Variants in DYNC2H1 observed in about 807,000 individuals in gnomAD.
The protein encoded by DYNC2H1 is cytoplasmic dynein 2 heavy chain 1.
DYNC2H1 carries 410 observed loss-of-function variants against 570.0 expected under a neutral mutation model. The observed-to-expected ratio is 0.72, with a 90% CI of 0.66 to 0.78. The LOEUF (loss-of-function observed/expected upper bound fraction) is 0.78, where lower values mean the gene tolerates loss of function less well. Among genes scored for constraint, DYNC2H1 ranks in the 30% least tolerant of loss-of-function variants. The pLI, the probability that DYNC2H1 is intolerant of heterozygous loss-of-function variation, is 0.00. For missense variants in DYNC2H1, 4,865 were observed against 5,046.4 expected (o/e 0.96, Z 1.09); for synonymous variants, 1,688 against 1,677.6 (o/e 1.01, Z -0.15).
intron 84 of DYNC2H1, among the ~76,000 whole-genome samples, chr11:103,413,231 C>CTTATTTTTTGTT (rs1317166475): frequency 7.9e-5 from 12 of 152,130 alleles, no homozygotes; most frequent in Admixed American, 2.0e-4. Flanking sequence ...GACTGGGGAC[C>CTTATTTTTTGTT]TTATTTTTTG....
intron 87 of DYNC2H1, among the ~76,000 whole-genome samples, chr11:103,463,911 A>G: frequency 6.6e-6 from 1 of 152,206 alleles, no homozygotes; most frequent in East Asian, 1.9e-4. Flanking sequence ...CAGTATCCCA[A>G]CATTGCCAGA....
intron 84 of DYNC2H1, chr11:103,403,924 C>G (rs983915133): frequency 6.6e-6 from 1 of 151,832 alleles, no homozygotes; most frequent in South Asian, 2.1e-4. Flanking sequence ...TTATAGAATA[C>G]GTAGGGATGG....
chr11:103,310,458 G>A (rs1405846494), intron 78 of DYNC2H1, among the ~76,000 whole-genome samples: 1 of 151,850 alleles, frequency 6.6e-6, no homozygotes, highest in Non-Finnish European at 1.5e-5. Flanking sequence ...CTATGTAACT[G>A]TATAGGATTT....
rs753732651 is a variant in DYNC2H1 at position 103,456,339 on chromosome 11, G to A, written c.12631G>A (p.Ala4211Thr). The change falls in exon 87 of 89, where the codon GCA (alanine) becomes ACA (threonine). Residue 4211 changes from alanine to threonine, a missense_variant. Around this residue, in one of 5 missense-constraint regions of DYNC2H1, gnomAD observed 2,401 missense variants for 2,454.6 expected, o/e 0.98. Transcript: ENST00000375735. Reference protein sequence around the residue: ...VASWKGRLQEAKLQIKISGLL... With the variant: ...VASWKGRLQETKLQIKISGLL... ...CTCATGGAAAGGTCGACTGCAAGAA[G>A]CAAAGCTACAAATTAAGGTACTAGA... The A allele has an allele frequency of 1.2e-6, 2 of 1,602,746 alleles. No homozygotes were observed. Among genetic ancestry groups the A allele is most frequent in the Non-Finnish European group, 1.7e-6 (2 of 1,174,036 alleles).
At chr11:103,349,067 G>A (rs1057184935) in intron 82 of DYNC2H1, among the ~76,000 whole-genome samples, 8 of 152,018 alleles carry the variant, frequency 5.3e-5, no homozygotes, top group Non-Finnish European at 8.8e-5. Context: ...CCCAGTCTCG[G>A]GTATTTCTTT....
intron 87 of DYNC2H1, among the ~76,000 whole-genome samples, chr11:103,458,701 G>T (rs1944885039): frequency 6.6e-6 from 1 of 151,888 alleles, no homozygotes; most frequent in African/African-American, 2.4e-5. Flanking sequence ...ACAATAACAG[G>T]TAATCATTCA....
chr11:103,200,241 T>C, intron 50 of DYNC2H1, 87 bp downstream of exon 50: 1 of 1,062,456 alleles, frequency 9.4e-7, no homozygotes. Flanking sequence ...AATTTATTTG[T>C]TTTGGAGAAC....
At chr11:103,417,228 T>C (rs1197247294) in intron 84 of DYNC2H1, among the ~76,000 whole-genome samples, 2 of 152,052 alleles carry the variant, frequency 1.3e-5, no homozygotes, top group Non-Finnish European at 2.9e-5. Flanking sequence ...TACAGGCGCA[T>C]GCCACCACAC....
intron 23 of DYNC2H1, 29 bp from the exon 24 acceptor site, chr11:103,154,666 C>T (rs1860729398): frequency 1.3e-6 from 2 of 1,566,256 alleles, no homozygotes; most frequent in Admixed American, 3.9e-5. Flanking sequence ...TGGATGTAAT[C>T]TTTGCAATGT....
intron 13 of DYNC2H1, among the ~76,000 whole-genome samples, chr11:103,130,184 C>T (rs1859202102): frequency 6.6e-6 from 1 of 152,092 alleles, no homozygotes; most frequent in East Asian, 1.9e-4. Flanking sequence ...CGGGGATGGC[C>T]ACGTAGACAC....
chr11:103,273,805 G>A (rs867443786), intron 70 of DYNC2H1, among the ~76,000 whole-genome samples: 4 of 152,092 alleles, frequency 2.6e-5, no homozygotes, highest in South Asian at 2.1e-4. Flanking sequence ...GGAGTGCTGC[G>A]ATGTGATTGA....
Position 103,228,173 on chromosome 11 carries a change from C to T in DYNC2H1, c.9354-3087C>T, listed in dbSNP as rs575373732. Among the ~76,000 whole-genome samples the T allele has an allele frequency of 3.0e-4, 46 of 152,214 alleles. No individual in the cohort carries two copies. The highest frequency in any genetic ancestry group is 1.1e-3 in the African/African-American group (45 of 41,532). The stretch of plus-strand genomic sequence containing the variant: ...GTATCTTTTAAGTGGAGCATTTACG[C>T]CATTTACGTTCAGTGTTAGTATTGA... On this transcript the variant is annotated intron_variant, in intron 59 of 88. Coordinates refer to ENST00000375735, the MANE Select transcript of DYNC2H1 (RefSeq NM_001377.3). The surrounding 1 kb of genome is among the most constrained non-coding windows in gnomAD (Gnocchi z 6.1).
chr11:103,123,169 C>G (rs1858810057), intron 11 of DYNC2H1, among the ~76,000 whole-genome samples, 169 bp downstream of exon 11: 2 of 152,058 alleles, frequency 1.3e-5, no homozygotes, highest in South Asian at 4.1e-4. Context: ...AGGCTGGAAA[C>G]TTTGATGATT....
At chr11:103,262,671 A>G (rs537069794) in intron 70 of DYNC2H1, among the ~76,000 whole-genome samples, 213 of 152,288 alleles carry the variant, frequency 1.4e-3, no homozygotes, top group Middle Eastern at 0.01. Flanking sequence ...TGTCACTACC[A>G]GGCCTGCCTT....
rs993380198 is a variant in DYNC2H1 at position 103,369,384 on chromosome 11, C to G, written c.12156+11025C>G. On this transcript the variant is annotated intron_variant, in intron 83 of 88. Coordinates refer to ENST00000375735, the MANE Select transcript of DYNC2H1 (RefSeq NM_001377.3). This position sits in a 1 kb window ranked among gnomAD's most constrained non-coding sequence, Gnocchi z 4.0. ...AAATAATCTTGAAAAGCAGTCCAGGCCACAAGGATTTCAATTCCTATGTGA... is the reference window on the plus strand; with the variant it reads ...AAATAATCTTGAAAAGCAGTCCAGGGCACAAGGATTTCAATTCCTATGTGA... Among the ~76,000 whole-genome samples the G allele has an allele frequency of 6.6e-6, 1 of 152,150 alleles. No homozygotes were observed. The highest frequency in any genetic ancestry group is 1.9e-4 in the East Asian group (1 of 5,188).
intron 82 of DYNC2H1, among the ~76,000 whole-genome samples, chr11:103,341,669 G>T (rs1172819142): frequency 1.3e-5 from 2 of 152,140 alleles, no homozygotes; most frequent in Non-Finnish European, 1.5e-5. Flanking sequence ...TATCCTAAAT[G>T]TCATCAAATC....
Position 103,245,425 on chromosome 11 carries a change from TA to T in DYNC2H1, c.10042+53del. 1 of 1,516,058 alleles carries T rather than the reference TA, an allele frequency of 6.6e-7. No homozygotes were observed. Among genetic ancestry groups the T allele is most frequent in the African/African-American group, 1.4e-5 (1 of 71,250 alleles). 93.9% of individuals were successfully genotyped at this position (1,516,058 alleles called of 1,614,324 possible). A position where few individuals can be genotyped will look rare whatever the true frequency, so the allele number is the denominator to read the frequency against. ...GTAAATATTTTTAAAATTTCCAAAG[TA>T]AGTAATTAAACCAGGTGCAAGCTTT... On this transcript the variant is annotated intron_variant, in intron 65 of 88. Transcript: ENST00000375735. This position sits in a 1 kb window ranked among gnomAD's most constrained non-coding sequence, Gnocchi z 4.5.
chr11:103,223,675 C>T (rs1320603505), intron 59 of DYNC2H1, among the ~76,000 whole-genome samples: 3 of 152,038 alleles, frequency 2.0e-5, no homozygotes, highest in African/African-American at 4.8e-5. Context: ...TGTGGACCAC[C>T]ACGCCTGGCC....
intron 59 of DYNC2H1, among the ~76,000 whole-genome samples, chr11:103,224,102 C>T (rs1188511506): frequency 6.6e-6 from 1 of 152,098 alleles, no homozygotes; most frequent in Admixed American, 6.6e-5. Context: ...AAATGCTTAG[C>T]ATGTATTTTC....
Sources: gnomAD v4.1 joint callset for allele counts (sites outside exome capture counted in the v4.1 genomes callset) on GRCh38, gnomAD v4.1.1 for gene constraint, gnomAD v4.1.1 regional missense constraint, Gnocchi (gnomAD v3.1) non-coding constraint, MANE v1.5 for transcripts, NCBI Gene and HGNC (gene_info 2026-07-23, HGNC 2026-07-21) for gene names.